The following LRRC4C variants were observed in gnomAD, a reference collection of about 807,000 sequenced individuals.
LRRC4C encodes leucine rich repeat containing 4C.
In LRRC4C, 5 loss-of-function variants were observed where a neutral mutation model predicts 33.6. That is an observed-to-expected ratio of 0.15 (90% CI 0.08 to 0.31). The LOEUF is 0.31. Among genes scored for constraint, LRRC4C ranks in the 10% least tolerant of loss-of-function variants. The pLI is 1.00. For synonymous variants in LRRC4C, 329 were observed against 302.0 expected, an observed-to-expected ratio of 1.09 and a Z score of -0.93; for missense variants, 560 against 796.7, an observed-to-expected ratio of 0.70 and a Z score of 3.58.
intron 2 of LRRC4C, among the ~76,000 whole-genome samples, chr11:40,863,366 C>T (rs191519074): frequency 3.2e-4 from 49 of 152,198 alleles, no homozygotes; most frequent in Admixed American, 1.6e-3. Context: ...AATTTAAGGA[C>T]GGGATAGTTT....
chr11:41,280,719 T>C (rs1949636447), intron 1 of LRRC4C, among the ~76,000 whole-genome samples: 6 of 152,138 alleles, frequency 3.9e-5, no homozygotes. Flanking sequence ...AAATGTCAAA[T>C]TGCAATAGTA....
At chr11:41,023,380 A>G (rs1224933354) in intron 1 of LRRC4C, among the ~76,000 whole-genome samples, 5 of 151,896 alleles carry the variant, frequency 3.3e-5, no homozygotes, top group Admixed American at 3.3e-4. Flanking sequence ...TGAGTATACA[A>G]GAGAAATCCA....
At chr11:40,521,511 G>C (rs115244827) in intron 3 of LRRC4C, among the ~76,000 whole-genome samples, 1 of 151,926 alleles carries the variant, frequency 6.6e-6, no homozygotes, top group African/African-American at 2.4e-5. Context: ...TTCATATTAC[G>C]TGACAAACAA....
chr11:40,510,227 C>CAT (rs1194045646), intron 3 of LRRC4C, among the ~76,000 whole-genome samples: 2 of 148,196 alleles, frequency 1.3e-5, no homozygotes, highest in Non-Finnish European at 3.0e-5. Context: ...ATATATATCT[C>CAT]ATATATATAT....
At chr11:40,342,626 TAAC>T (rs1413336241) in intron 3 of LRRC4C, among the ~76,000 whole-genome samples, 1 of 152,086 alleles carries the variant, frequency 6.6e-6, no homozygotes, top group Non-Finnish European at 1.5e-5. Context: ...TTATACAACA[TAAC>T]TACTTTAAAG....
chr11:40,449,310 C>A (rs1365083355), intron 3 of LRRC4C, among the ~76,000 whole-genome samples: 2 of 148,354 alleles, frequency 1.3e-5, no homozygotes, highest in Non-Finnish European at 3.0e-5. Flanking sequence ...TTGCTACTCA[C>A]TTAACTCAAA....
chr11:41,335,043 C>T (rs1354754943), intron 1 of LRRC4C, among the ~76,000 whole-genome samples: 1 of 152,150 alleles, frequency 6.6e-6, no homozygotes, highest in African/African-American at 2.4e-5. Context: ...TATACTCCAC[C>T]ACCTGGTAAC....
chr11:41,233,085 A>G (rs1329418317), intron 1 of LRRC4C, among the ~76,000 whole-genome samples: 2 of 152,118 alleles, frequency 1.3e-5, no homozygotes, highest in Non-Finnish European at 2.9e-5. Flanking sequence ...CTCTTTCTTT[A>G]GACATTTACT....
chr11:40,668,553 C>T (rs1481882231), intron 2 of LRRC4C, among the ~76,000 whole-genome samples: 1 of 152,206 alleles, frequency 6.6e-6, no homozygotes, highest in African/African-American at 2.4e-5. Context: ...TCTCTCCCAT[C>T]CTGACTCTTG....
chr11:40,356,355 A>G (rs1369634191), intron 3 of LRRC4C, among the ~76,000 whole-genome samples: 1 of 152,230 alleles, frequency 6.6e-6, no homozygotes, highest in Non-Finnish European at 1.5e-5. Context: ...TTAAAGGATT[A>G]CGTGGGACAT....
chr11:40,287,256 A>ATGTGTGTGTGTGTGTG (rs5791367), intron 4 of LRRC4C, among the ~76,000 whole-genome samples: 8 of 144,770 alleles, frequency 5.5e-5, no homozygotes, highest in African/African-American at 1.8e-4. Flanking sequence ...ATGTCACTGT[A>ATGTGTGTGTGTGTGTG]TGTGTGTGTG....
chr11:40,406,480 A>C (rs1053700328), intron 3 of LRRC4C, among the ~76,000 whole-genome samples: 3 of 152,188 alleles, frequency 2.0e-5, no homozygotes, highest in Admixed American at 6.6e-5. Flanking sequence ...ATTTCCAAAT[A>C]AGAGTGTGAT....
chr11:40,517,690 G>T (rs537616945), intron 3 of LRRC4C, among the ~76,000 whole-genome samples: 4 of 151,550 alleles, frequency 2.6e-5, no homozygotes, highest in Non-Finnish European at 4.4e-5. Flanking sequence ...GTAATTTATA[G>T]ATTCAATGCT....
chr11:40,607,438 C>T (rs1409374743), intron 3 of LRRC4C, among the ~76,000 whole-genome samples: 1 of 152,144 alleles, frequency 6.6e-6, no homozygotes, highest in Non-Finnish European at 1.5e-5. Flanking sequence ...GGCACAGACA[C>T]AAGTGGCTGG....
At position 40,115,129 on chromosome 11, in the gene LRRC4C, A is replaced by C. The variant is rs1379906398; in HGVS notation, c.1164T>G (p.Thr388=). The C allele has an allele frequency of 1.2e-6, 2 of 1,614,106 alleles. No individual in the cohort carries two copies. The highest frequency in any genetic ancestry group is 1.7e-6 in the Non-Finnish European group (2 of 1,180,044). ...CATGTGTCATGACTGTTCCATTTGG[A>C]GTAATCCAAGATACAGATGTCAGGG... The part of the protein sequence containing the change: ...STSLTSVSWI[T]PNGTVMTHGA... Residue 388 remains threonine, a synonymous_variant, in exon 7 of 7, where the codon ACT becomes ACG. Coordinates refer to ENST00000528697, the MANE Select transcript of LRRC4C (RefSeq NM_001258419.2). The surrounding 1 kb of genome is among the most constrained non-coding windows in gnomAD (Gnocchi z 6.7).
intron 1 of LRRC4C, among the ~76,000 whole-genome samples, chr11:41,093,350 G>C (rs1433179233): frequency 2.6e-5 from 4 of 152,186 alleles, no homozygotes; most frequent in Non-Finnish European, 5.9e-5. Flanking sequence ...TGTATTCAGA[G>C]AATGAATACA....
intron 1 of LRRC4C, among the ~76,000 whole-genome samples, chr11:41,340,575 G>C (rs930892997): frequency 6.6e-6 from 1 of 152,062 alleles, no homozygotes; most frequent in African/African-American, 2.4e-5. Context: ...GGAAGTGGTG[G>C]GCTATAGCAT....
chr11:41,088,897 C>A (rs1940198641), intron 1 of LRRC4C, among the ~76,000 whole-genome samples: 1 of 151,976 alleles, frequency 6.6e-6, no homozygotes, highest in Admixed American at 6.6e-5. Flanking sequence ...AAATTATCTC[C>A]TTTTTCTCTT....
At position 40,133,231 on chromosome 11, in the gene LRRC4C, A is replaced by G. The variant is rs1346744778; in HGVS notation, c.-43+7570T>C. ...ACCAATGCCTTTATAGGTTGAAAAC[A>G]AACAAACCAACAATATACCCAGAAG... On this transcript the variant is annotated intron_variant, in intron 6 of 6. Transcript: ENST00000528697. 2.0e-5 allele frequency among the ~76,000 whole-genome samples: 3 copies of G among 152,332 alleles called. No homozygotes were observed. The East Asian group carries it at 5.8e-4, about 29-fold the overall frequency.
Sources: gnomAD v4.1 joint callset for allele counts (sites outside exome capture counted in the v4.1 genomes callset) on GRCh38, gnomAD v4.1.1 for gene constraint, Gnocchi (gnomAD v3.1) non-coding constraint, MANE v1.5 for transcripts, NCBI Gene and HGNC (gene_info 2026-07-23, HGNC 2026-07-21) for gene names.